Variants in MRTFB observed in about 807,000 individuals in gnomAD.
MRTFB encodes myocardin-related transcription factor B.
Under a neutral mutation model 104.2 loss-of-function variants are expected in MRTFB, and 29 were observed. The ratio of observed to expected loss-of-function variants is 0.28; its 90% CI spans 0.21 to 0.38. MRTFB has a LOEUF of 0.38. MRTFB is among the 10% of genes least tolerant of loss of function. The pLI is 1.00. For missense variants in MRTFB, 1,270 were observed against 1,341.6 expected (o/e 0.95, Z 0.83); for synonymous variants, 535 against 519.5 (o/e 1.03, Z -0.41).
intron 3 of MRTFB, among the ~76,000 whole-genome samples, chr16:14,201,776 G>C (rs981983891): frequency 6.6e-6 from 1 of 152,014 alleles, no homozygotes; most frequent in African/African-American, 2.4e-5. Flanking sequence ...TACATACTTG[G>C]CATAATAAAT....
At chr16:14,054,412 T>C in the MRTFB span, among the ~76,000 whole-genome samples, 1 of 152,044 alleles carries the variant, frequency 6.6e-6, no homozygotes, top group Non-Finnish European at 1.5e-5. Context: ...AGATGGAGTT[T>C]TACCATATTG....
At chr16:14,221,996 T>G (rs2041744585) in intron 8 of MRTFB, among the ~76,000 whole-genome samples, 1 of 152,068 alleles carries the variant, frequency 6.6e-6, no homozygotes. Context: ...GGCCATGCTG[T>G]CTTGAACTTC....
At chr16:14,254,822 A>G (rs2043410017) in intron 15 of MRTFB, among the ~76,000 whole-genome samples, 1 of 152,346 alleles carries the variant, frequency 6.6e-6, no homozygotes, top group East Asian at 1.9e-4. Context: ...ACCTATCTCA[A>G]AGGAAAAAGG....
At chr16:14,052,065 G>A in the MRTFB span, among the ~76,000 whole-genome samples, 4 of 152,062 alleles carry the variant, frequency 2.6e-5, no homozygotes, top group Non-Finnish European at 5.9e-5. Flanking sequence ...TGTGAAGCGC[G>A]CCACCCACCC....
intron 3 of MRTFB, among the ~76,000 whole-genome samples, chr16:14,199,442 G>A (rs549752528): frequency 2.6e-5 from 4 of 152,216 alleles, no homozygotes; most frequent in South Asian, 4.2e-4. Context: ...TTCTGAAATC[G>A]GGACCCATGT....
chr16:14,040,882 A>G, the MRTFB span, among the ~76,000 whole-genome samples: 6,136 of 152,278 alleles, frequency 0.04, 424 homozygotes, highest in African/African-American at 0.14. Flanking sequence ...GGGAGACCAA[A>G]GGAGGAGAAT....
the MRTFB span, among the ~76,000 whole-genome samples, chr16:14,064,299 C>A: frequency 6.6e-6 from 1 of 152,036 alleles, no homozygotes; most frequent in African/African-American, 2.4e-5. Context: ...CTGTTCATGT[C>A]CATTGCCCAC....
chr16:14,236,627 G>C (rs921442612), intron 9 of MRTFB, among the ~76,000 whole-genome samples: 2 of 152,136 alleles, frequency 1.3e-5, no homozygotes, highest in African/African-American at 4.8e-5. Context: ...AGAATTGAGG[G>C]TGTGAGCCAT....
Position 14,195,464 on chromosome 16 carries a change from A to T in MRTFB, c.155-14779A>T, listed in dbSNP as rs1408859207. On this transcript the variant is annotated intron_variant, in intron 3 of 16. Coordinates refer to ENST00000571589, the MANE Select transcript of MRTFB (RefSeq NM_001308142.2). ...GGTATATGTACAAATGTGTATATGT[A>T]AATATATTTGAGTGTGTGTTTGTAT... is the stretch of plus-strand genomic sequence containing the variant. 4.3e-6 allele frequency: 4 copies of T among 935,406 alleles called. No individual in the cohort carries two copies. In the African/African-American group the frequency reaches 7.1e-5, roughly 17 times the overall value. The allele number at this position is 935,406 out of a possible 1,614,324, so 57.9% of individuals were successfully genotyped here.
At chr16:14,029,711 G>A in the MRTFB span, among the ~76,000 whole-genome samples, 6 of 151,974 alleles carry the variant, frequency 3.9e-5, no homozygotes, top group African/African-American at 1.5e-4. Flanking sequence ...AGCTGCTGGA[G>A]CTGCCTCCTC....
the MRTFB span, among the ~76,000 whole-genome samples, chr16:14,036,332 T>A: frequency 2.8e-5 from 3 of 108,996 alleles, no homozygotes; most frequent in South Asian, 1.1e-3. Flanking sequence ...GATGTCCACC[T>A]GCCTCTGGGC....
chr16:14,130,923 C>T (rs1034604070), intron 2 of MRTFB, among the ~76,000 whole-genome samples: 3 of 152,078 alleles, frequency 2.0e-5, no homozygotes, highest in East Asian at 3.9e-4. Flanking sequence ...ATCACAAGAA[C>T]GGCAGCATGG....
intron 11 of MRTFB, 151 bp from the exon 12 acceptor site, chr16:14,246,322 G>A (rs1285431165): frequency 4.2e-6 from 3 of 718,694 alleles, no homozygotes; most frequent in Non-Finnish European, 6.8e-6. Context: ...ATCTGTTTCT[G>A]TGTGCTTAAA....
chr16:14,032,032 T>TCCTGA, the MRTFB span, among the ~76,000 whole-genome samples: 1 of 152,220 alleles, frequency 6.6e-6, no homozygotes. Context: ...GGTCTTGAAC[T>TCCTGA]CCTGACCTCA....
chr16:14,246,785 C>T lies in MRTFB; in HGVS notation c.1525C>T (p.Pro509Ser), dbSNP rs772684488. 6.2e-7 allele frequency: 1 copy of T among 1,613,778 alleles called. No homozygotes were observed. The highest frequency in any genetic ancestry group is 8.5e-7 in the Non-Finnish European group (1 of 1,180,046). ...TTCCCCTCTGCCCATTTCACCATCT[C>T]CCTCCGAACAGTCCAGTCTCAGTAC... ...VHSPLPISPS[P>S]SEQSSLSTDD... The change falls in exon 12 of 17, where the codon CCC becomes TCC. Residue 509 changes from proline (P) to serine (S), a missense_variant. This residue lies in a region of MRTFB where 1,144 missense variants were observed against 1,131.5 expected (regional missense o/e 1.01). Coordinates refer to ENST00000571589, the MANE Select transcript of MRTFB (RefSeq NM_001308142.2).
chr16:14,034,387 G>A, the MRTFB span, among the ~76,000 whole-genome samples: 1 of 152,204 alleles, frequency 6.6e-6, no homozygotes, highest in Non-Finnish European at 1.5e-5. Context: ...GCCAAGGTGG[G>A]CGGATCACTT....
At chr16:14,035,837 C>T in the MRTFB span, among the ~76,000 whole-genome samples, 1 of 151,786 alleles carries the variant, frequency 6.6e-6, no homozygotes, top group Non-Finnish European at 1.5e-5. Context: ...CTAAGCAGTA[C>T]ACACTGAACC....
At chr16:14,107,143 G>T (rs1427645029) in intron 2 of MRTFB, among the ~76,000 whole-genome samples, 3 of 152,236 alleles carry the variant, frequency 2.0e-5, no homozygotes, top group African/African-American at 7.2e-5. Context: ...GGCTGAAGCA[G>T]CAGAATCACT....
At chr16:14,144,181 T>G (rs2038171220) in intron 3 of MRTFB, 1 of 152,236 alleles carries the variant, frequency 6.6e-6, no homozygotes, top group Admixed American at 6.5e-5. Flanking sequence ...TCAAGAGTCC[T>G]TTTTTGTTCA....
Sources: gnomAD v4.1 joint callset for allele counts (sites outside exome capture counted in the v4.1 genomes callset) on GRCh38, gnomAD v4.1.1 for gene constraint, gnomAD v4.1.1 regional missense constraint, MANE v1.5 for transcripts, NCBI Gene and HGNC (gene_info 2026-07-23, HGNC 2026-07-21) for gene names.